SEL1L3: variants seen among roughly 807,000 people sequenced by gnomAD.
SEL1L3 encodes the protein SEL1L family member 3, also known as protein sel-1 homolog 3.
Under a neutral mutation model 142.8 loss-of-function variants are expected in SEL1L3, and 76 were observed. That is an observed-to-expected ratio of 0.53 (90% CI 0.44 to 0.64). The LOEUF (loss-of-function observed/expected upper bound fraction) is 0.64, where lower values mean the gene tolerates loss of function less well. Ranked by LOEUF, SEL1L3 falls within the 30% of genes least tolerant of loss-of-function variation. The probability of loss-of-function intolerance (pLI) is 0.00; values close to 1 mark genes in which losing one functional copy is unlikely to be tolerated. For synonymous variants in SEL1L3, 504 were observed against 519.6 expected (o/e 0.97, Z 0.41); for missense variants, 1,262 against 1,381.7 (o/e 0.91, Z 1.37).
chr4:25,817,487 G>A (rs2109252442), intron 9 of SEL1L3, among the ~76,000 whole-genome samples: 1 of 152,306 alleles, frequency 6.6e-6, no homozygotes, highest in East Asian at 1.9e-4. Context: ...ATTGCACTGG[G>A]CCTACAGAGA....
At chr4:25,825,581 T>C (rs1320097864) in intron 6 of SEL1L3, among the ~76,000 whole-genome samples, 1 of 152,084 alleles carries the variant, frequency 6.6e-6, no homozygotes, top group African/African-American at 2.4e-5. Flanking sequence ...GTATGAGAAC[T>C]TAGAGCTTCA....
intron 23 of SEL1L3, among the ~76,000 whole-genome samples, chr4:25,750,416 G>A (rs59140115): frequency 4.6e-5 from 7 of 152,226 alleles, no homozygotes; most frequent in Non-Finnish European, 1.0e-4. Context: ...TCTGCTTGCC[G>A]ACTGACCAGA....
At chr4:25,821,899 G>A (rs1017123804) in intron 7 of SEL1L3, 97 bp downstream of exon 7, 2 of 1,288,894 alleles carry the variant, frequency 1.6e-6, no homozygotes, top group Admixed American at 2.6e-5. Context: ...TGCATGGTCT[G>A]GCTTGGGTAA....
the SEL1L3 span, among the ~76,000 whole-genome samples, chr4:25,724,771 AGGAAAAGAAATTAAAAGG>A: frequency 2.7e-3 from 119 of 43,620 alleles, no homozygotes; most frequent in East Asian, 5.8e-3. Context: ...AAAAAAAAAA[AGGAAAAGAAATTAAAAGG>A]AAAAAAGAAA....
chr4:25,831,507 AATAATTATTATT>A (rs1185144134), intron 5 of SEL1L3, among the ~76,000 whole-genome samples: 40 of 112,196 alleles, frequency 3.6e-4, no homozygotes, highest in African/African-American at 1.6e-3. Flanking sequence ...TAATAATAAT[AATAATTATTATT>A]ATTATTATTA....
chr4:25,826,452 C>T (rs1042564503), intron 6 of SEL1L3, among the ~76,000 whole-genome samples: 17 of 152,278 alleles, frequency 1.1e-4, no homozygotes, highest in African/African-American at 3.6e-4. Flanking sequence ...ATGTTTAGTT[C>T]ACTGACTTGG....
chr4:25,847,114 C>T (rs1364905727), intron 2 of SEL1L3, among the ~76,000 whole-genome samples, 180 bp downstream of exon 2: 2 of 152,218 alleles, frequency 1.3e-5, no homozygotes, highest in East Asian at 3.9e-4. Context: ...TCTTTCTCCT[C>T]TCTTCCCCTT....
At chr4:25,823,411 G>A (rs980125533) in intron 6 of SEL1L3, among the ~76,000 whole-genome samples, 1 of 152,026 alleles carries the variant, frequency 6.6e-6, no homozygotes, top group African/African-American at 2.4e-5. Flanking sequence ...CTACTCAGGG[G>A]GCTAATACAG....
Position 25,776,363 on chromosome 4 carries a change from G to T in SEL1L3, c.2586-3C>A. ...TCTCAGCTACATGTTTTGCCCATCT[G>T]AAAAAAAAAAGGGAAGAGAAAATAC... On this transcript the variant is annotated splice_polypyrimidine_tract_variant and splice_region_variant and intron_variant, in intron 16 of 23. Coordinates refer to ENST00000399878, the MANE Select transcript of SEL1L3 (RefSeq NM_015187.5). 1.4e-6 allele frequency: 2 copies of T among 1,398,694 alleles called. No homozygotes were observed. The highest frequency in any genetic ancestry group is 1.3e-5 in the South Asian group (1 of 74,472). The allele number at this position is 1,398,694 out of a possible 1,614,324, so 86.6% of individuals were successfully genotyped here.
At chr4:25,824,242 T>C (rs182000481) in intron 6 of SEL1L3, among the ~76,000 whole-genome samples, 4 of 152,204 alleles carry the variant, frequency 2.6e-5, no homozygotes, top group African/African-American at 7.2e-5. Context: ...ACTAGATGGA[T>C]ACAAAGCAAC....
chr4:25,750,870 T>C (rs1034467999), intron 23 of SEL1L3, among the ~76,000 whole-genome samples: 6 of 152,240 alleles, frequency 3.9e-5, no homozygotes, highest in African/African-American at 1.2e-4. Context: ...CTGGAAGGAA[T>C]GAGTTGTCTT....
At chr4:25,835,174 T>A (rs1369122357) in intron 3 of SEL1L3, 23 bp downstream of exon 3, 2 of 1,613,296 alleles carry the variant, frequency 1.2e-6, no homozygotes, top group Admixed American at 1.7e-5. Context: ...CCCGATCAGC[T>A]CCCTTCTGCT....
chr4:25,847,477 T>C lies in SEL1L3; in HGVS notation c.550A>G (p.Arg184Gly). Residue 184 changes from arginine (R) to glycine (G), a missense_variant, in exon 2 of 24, where the codon AGA (arginine) becomes GGA (glycine). Physicochemically the swap from Arg to Gly is moderately radical, Grantham distance 125. Transcript: ENST00000399878. ...TCCTCCCATTTAACATTCCAGTCTC[T>C]GCCACTGTATTTGTGAGTAATCCAG... ...RAWITHKYSG[R>G]DWNVKWEENL... The C allele has an allele frequency of 1.9e-6, 3 of 1,614,058 alleles. No homozygotes were observed. Among genetic ancestry groups the C allele is most frequent in the Non-Finnish European group, 2.5e-6 (3 of 1,179,900 alleles).
At chr4:25,821,924 T>G in intron 7 of SEL1L3, 72 bp downstream of exon 7, 1 of 1,490,124 alleles carries the variant, frequency 6.7e-7, no homozygotes, top group Non-Finnish European at 9.0e-7. Context: ...TTATTTACAC[T>G]GGGTGGCACA....
chr4:25,824,358 G>A (rs1226828998), intron 6 of SEL1L3, among the ~76,000 whole-genome samples: 1 of 152,100 alleles, frequency 6.6e-6, no homozygotes, highest in African/African-American at 2.4e-5. Context: ...TACAGCATCC[G>A]GGATGCTCAC....
chr4:25,796,871 A>G (rs1259096351), intron 11 of SEL1L3, among the ~76,000 whole-genome samples: 1 of 146,186 alleles, frequency 6.8e-6, no homozygotes, highest in Non-Finnish European at 1.5e-5. Flanking sequence ...AAAGACAGAA[A>G]AAAAAAAAAG....
chr4:25,782,630 G>A (rs1711516439), intron 14 of SEL1L3, among the ~76,000 whole-genome samples: 1 of 152,126 alleles, frequency 6.6e-6, no homozygotes, highest in African/African-American at 2.4e-5. Context: ...ACTGCTGCTG[G>A]GATTCTGCCT....
rs61159824 is a variant in SEL1L3 at position 25,791,146 on chromosome 4, A to G, written c.1957-572T>C. Among the ~76,000 whole-genome samples, 43 of 152,384 alleles carry G rather than the reference A, an allele frequency of 2.8e-4. No homozygotes were observed. The East Asian group carries it at 7.5e-3, about 27-fold the overall frequency. On this transcript the variant is annotated intron_variant, in intron 11 of 23. Transcript: ENST00000399878. ...CATGCAAAATCAAAAAGGCAAATCA[A>G]TATTTTCTAAGTATAACCTTATTTT... is the stretch of plus-strand genomic sequence containing the variant.
At chr4:25,735,957 G>A in the SEL1L3 span, among the ~76,000 whole-genome samples, 20 of 149,082 alleles carry the variant, frequency 1.3e-4, no homozygotes, top group Middle Eastern at 3.4e-3. Context: ...AGCCTCCCAA[G>A]TAGCTGGGAC....
Sources: allele counts gnomAD v4.1 joint callset (sites outside exome capture counted in the v4.1 genomes callset), GRCh38; gene constraint gnomAD v4.1.1; transcripts MANE v1.5; gene names NCBI Gene and HGNC (gene_info 2026-07-23, HGNC 2026-07-21).